LAMC1: variants seen among roughly 807,000 people sequenced by gnomAD.
LAMC1 encodes the protein laminin subunit gamma 1.
In LAMC1, 38 loss-of-function variants were observed where a neutral mutation model predicts 173.6. The ratio of observed to expected loss-of-function variants is 0.22; its 90% CI spans 0.17 to 0.29. LAMC1 has a LOEUF of 0.29. LAMC1 is among the 10% of genes least tolerant of loss of function. The pLI is 1.00. For missense variants in LAMC1, 1,824 were observed against 2,051.8 expected (o/e 0.89, Z 2.14); for synonymous variants, 746 against 749.1 (o/e 1.00, Z 0.07).
At chr1:183,118,219 G>A (rs763656021) in intron 11 of LAMC1, 73 bp downstream of exon 11, 85 of 867,356 alleles carry the variant, frequency 9.8e-5, no homozygotes, top group Non-Finnish European at 1.4e-4. Flanking sequence ...TAATGCAAAA[G>A]TTTCTCTTTC....
At chr1:183,086,911 G>A (rs1465381835) in intron 1 of LAMC1, among the ~76,000 whole-genome samples, 1 of 152,148 alleles carries the variant, frequency 6.6e-6, no homozygotes, top group Non-Finnish European at 1.5e-5. Context: ...AAAAGATCTA[G>A]TAATAGAGAT....
intron 1 of LAMC1, among the ~76,000 whole-genome samples, chr1:183,059,680 G>A (rs1016092858): frequency 8.5e-5 from 13 of 152,210 alleles, no homozygotes; most frequent in South Asian, 2.1e-4. Flanking sequence ...ACTGGGTCTC[G>A]GAGCAAATTA....
At chr1:183,105,573 G>A (rs1021792105) in intron 2 of LAMC1, among the ~76,000 whole-genome samples, 8 of 152,054 alleles carry the variant, frequency 5.3e-5, no homozygotes, top group African/African-American at 9.7e-5. Flanking sequence ...GTAGAAACTA[G>A]TGAGACTATA....
intron 2 of LAMC1, among the ~76,000 whole-genome samples, chr1:183,107,738 G>A (rs1259002503): frequency 6.6e-6 from 1 of 152,118 alleles, no homozygotes; most frequent in Non-Finnish European, 1.5e-5. Context: ...GCTGAGGCAG[G>A]AGAATGGCGT....
chr1:183,115,768 T>G (rs1656301646), intron 6 of LAMC1, 131 bp downstream of exon 6: 3 of 691,172 alleles, frequency 4.3e-6, no homozygotes, highest in Admixed American at 2.2e-5. Flanking sequence ...GACTGAGGAC[T>G]AGCTGTAATG....
Position 183,136,370 on chromosome 1 carries a change from C to G in LAMC1, c.4115-16C>G. ...GTTGGGAGTTTAGCTCAAATGTGTC[C>G]TTGAACTTGTTTCAGATTTTGATAG... On this transcript the variant is annotated splice_polypyrimidine_tract_variant and intron_variant, in intron 24 of 27. Transcript: ENST00000258341. 6.2e-7 allele frequency: 1 copy of G among 1,612,610 alleles called. No individual in the cohort carries two copies. Among genetic ancestry groups the G allele is most frequent in the South Asian group, 1.1e-5 (1 of 90,898 alleles).
intron 1 of LAMC1, among the ~76,000 whole-genome samples, chr1:183,062,345 G>C (rs1654763125): frequency 1.3e-5 from 2 of 152,106 alleles, no homozygotes; most frequent in Admixed American, 1.3e-4. Context: ...TGTAGTTTCA[G>C]GGCAGCATTT....
At chr1:183,107,040 G>A (rs1655994743) in intron 2 of LAMC1, among the ~76,000 whole-genome samples, 2 of 152,244 alleles carry the variant, frequency 1.3e-5, no homozygotes, top group South Asian at 4.1e-4. Context: ...GTAAACATCT[G>A]CCTAAAATTA....
At chr1:183,036,040 C>A (rs1385740656) in intron 1 of LAMC1, among the ~76,000 whole-genome samples, 1 of 151,496 alleles carries the variant, frequency 6.6e-6, no homozygotes, top group Non-Finnish European at 1.5e-5. Flanking sequence ...GACCACCATT[C>A]TTCAGTGTCC....
chr1:183,116,580 A>G lies in LAMC1; in HGVS notation c.1332A>G (p.Pro444=), dbSNP rs1210425563. ...FHSLTEAGCR[P]CSCDPSGSID... is the part of the protein sequence containing the mutation. Reference sequence around the variant, plus strand: ...TTATCCATTTTTCATTGAATAGGCCATGCTCTTGTGATCCCTCTGGCAGCA... The same window carrying G: ...TTATCCATTTTTCATTGAATAGGCCGTGCTCTTGTGATCCCTCTGGCAGCA... The change falls in exon 7 of 28, where the codon CCA becomes CCG. Residue 444 remains proline (P), a synonymous_variant. Coordinates refer to ENST00000258341, the MANE Select transcript of LAMC1 (RefSeq NM_002293.4). 6 of 1,598,186 alleles carry G rather than the reference A, an allele frequency of 3.8e-6. No individual in the cohort carries two copies. The South Asian group carries it at 4.4e-5, about 12-fold the overall frequency.
At chr1:183,046,792 TTC>T (rs1239115147) in intron 1 of LAMC1, among the ~76,000 whole-genome samples, 1 of 152,134 alleles carries the variant, frequency 6.6e-6, no homozygotes, top group Non-Finnish European at 1.5e-5. Context: ...TTTTACTTTT[TTC>T]TCTGTTGATT....
chr1:183,136,058 C>T (rs368747620), intron 24 of LAMC1, among the ~76,000 whole-genome samples: 12 of 152,154 alleles, frequency 7.9e-5, no homozygotes, highest in African/African-American at 1.9e-4. Flanking sequence ...AAGCTCTTAA[C>T]TCAGTACCCG....
chr1:183,052,375 C>T (rs1261420074), intron 1 of LAMC1, among the ~76,000 whole-genome samples: 3 of 152,070 alleles, frequency 2.0e-5, no homozygotes, highest in Non-Finnish European at 4.4e-5. Context: ...CACTCTGTCG[C>T]CCAGGCTGAG....
chr1:183,035,724 A>G (rs1202349037), intron 1 of LAMC1, among the ~76,000 whole-genome samples: 1 of 152,186 alleles, frequency 6.6e-6, no homozygotes. Context: ...ACTGAGTCAC[A>G]TAACATGGCT....
rs68083893 is a variant in LAMC1, at chr1:183,077,776, G to GTATATATATATATATATATATA, written c.419-25532_419-25531insTATATATATATATATATATATA. On this transcript the variant is annotated intron_variant, in intron 1 of 27. Transcript: ENST00000258341. ...TGAATAGTATTTTTATGGCCATTGT[G>GTATATATATATATATATATATA]TATATATATATATATATATACAGTA... Among the ~76,000 whole-genome samples the GTATATATATATATATATATATA allele has an allele frequency of 1.5e-3, 179 of 116,496 alleles. 2 individuals carry two copies. The highest frequency in any genetic ancestry group is 5.1e-3 in the African/African-American group (176 of 34,470). The allele number at this position is 116,496 out of a possible 152,430, so 76.4% of individuals were successfully genotyped here.
intron 1 of LAMC1, among the ~76,000 whole-genome samples, chr1:183,046,541 G>A (rs1412959857): frequency 1.3e-5 from 2 of 151,704 alleles, no homozygotes; most frequent in Non-Finnish European, 1.5e-5. Flanking sequence ...TTTTCCTGAT[G>A]GATTTATTCC....
chr1:183,068,248 G>A (rs1008398071), intron 1 of LAMC1, among the ~76,000 whole-genome samples: 1 of 151,884 alleles, frequency 6.6e-6, no homozygotes, highest in African/African-American at 2.4e-5. Context: ...TTTTTTGTGT[G>A]TGTATGTGTG....
intron 1 of LAMC1, among the ~76,000 whole-genome samples, chr1:183,026,697 A>G (rs1558025368): frequency 6.6e-6 from 1 of 152,250 alleles, no homozygotes; most frequent in East Asian, 1.9e-4. Context: ...GCTAGAAATG[A>G]GTAGTGTGAA....
At chr1:183,025,800 C>T (rs546869491) in intron 1 of LAMC1, among the ~76,000 whole-genome samples, 17 of 152,286 alleles carry the variant, frequency 1.1e-4, no homozygotes, top group African/African-American at 3.1e-4. Context: ...GCCTGAAATT[C>T]AATTGACAAT....
Sources: gnomAD v4.1 joint callset for allele counts (sites outside exome capture counted in the v4.1 genomes callset) on GRCh38, gnomAD v4.1.1 for gene constraint, MANE v1.5 for transcripts, NCBI Gene and HGNC (gene_info 2026-07-23, HGNC 2026-07-21) for gene names.